LRFN2: variants seen among roughly 807,000 people sequenced by gnomAD.
LRFN2 encodes leucine-rich repeat and fibronectin type-III domain-containing protein 2.
In LRFN2, 18 loss-of-function variants were observed where a neutral mutation model predicts 37.3. That is an observed-to-expected ratio of 0.48 (90% confidence interval 0.33 to 0.72). The LOEUF (loss-of-function observed/expected upper bound fraction) is 0.72, where lower values mean the gene tolerates loss of function less well. LRFN2 is among the 30% of genes least tolerant of loss of function. The pLI, the probability that LRFN2 is intolerant of heterozygous loss-of-function variation, is 0.02. For synonymous variants in LRFN2, 556 were observed against 466.6 expected, an observed-to-expected ratio of 1.19 and a Z score of -2.47; for missense variants, 1,006 against 1,060.7, an observed-to-expected ratio of 0.95 and a Z score of 0.72.
chr6:40,447,176 C>T (rs1319682459), intron 1 of LRFN2, among the ~76,000 whole-genome samples: 3 of 152,214 alleles, frequency 2.0e-5, no homozygotes, highest in Non-Finnish European at 2.9e-5. Flanking sequence ...CCACACATTC[C>T]CTCATTATCC....
chr6:40,427,402 A>T (rs1219838429), intron 2 of LRFN2, among the ~76,000 whole-genome samples: 1 of 152,146 alleles, frequency 6.6e-6, no homozygotes, highest in Non-Finnish European at 1.5e-5. Flanking sequence ...TATGGTAGTG[A>T]CTCACAGCCA....
At chr6:40,577,209 C>G (rs906356022) in intron 1 of LRFN2, among the ~76,000 whole-genome samples, 2 of 152,078 alleles carry the variant, frequency 1.3e-5, no homozygotes, top group Non-Finnish European at 2.9e-5. Flanking sequence ...TCAAGCGATT[C>G]TCCTGCCTCA....
At chr6:40,520,347 G>A (rs967952636) in intron 1 of LRFN2, among the ~76,000 whole-genome samples, 3 of 152,088 alleles carry the variant, frequency 2.0e-5, no homozygotes, top group African/African-American at 7.2e-5. Context: ...GCAGGGAGGG[G>A]GAGCAAGCAT....
chr6:40,461,060 T>A (rs1764337547), intron 1 of LRFN2, among the ~76,000 whole-genome samples: 1 of 152,126 alleles, frequency 6.6e-6, no homozygotes, highest in Non-Finnish European at 1.5e-5. Context: ...AAGCATACAC[T>A]ATATACCAAG....
intron 1 of LRFN2, among the ~76,000 whole-genome samples, chr6:40,585,659 C>G (rs929452089): frequency 6.6e-6 from 1 of 152,142 alleles, no homozygotes; most frequent in Non-Finnish European, 1.5e-5. Flanking sequence ...CCACATAGAA[C>G]CTCTAGCCCT....
intron 1 of LRFN2, among the ~76,000 whole-genome samples, chr6:40,554,854 C>T (rs1766840206): frequency 6.6e-6 from 1 of 152,158 alleles, no homozygotes; most frequent in Non-Finnish European, 1.5e-5. Flanking sequence ...TAAAAGTCAC[C>T]TCTCAGTAAA....
intron 1 of LRFN2, among the ~76,000 whole-genome samples, chr6:40,563,567 T>C (rs1767038635): frequency 6.6e-6 from 1 of 152,138 alleles, no homozygotes; most frequent in South Asian, 2.1e-4. Context: ...GTGACTAAGC[T>C]GGGATTCAGC....
intron 2 of LRFN2, among the ~76,000 whole-genome samples, chr6:40,425,444 T>A (rs1025040516): frequency 6.6e-6 from 1 of 152,202 alleles, no homozygotes; most frequent in Non-Finnish European, 1.5e-5. Context: ...GGGCTGATAA[T>A]GACATGCAGG....
intron 1 of LRFN2, among the ~76,000 whole-genome samples, chr6:40,519,409 G>A (rs1765983965): frequency 6.6e-6 from 1 of 152,160 alleles, no homozygotes; most frequent in African/African-American, 2.4e-5. Context: ...AGTTCCTCCC[G>A]TGAGGGGCAG....
At chr6:40,406,267 G>A (rs1411865904) in intron 2 of LRFN2, among the ~76,000 whole-genome samples, 2 of 152,236 alleles carry the variant, frequency 1.3e-5, no homozygotes, top group African/African-American at 2.4e-5. Context: ...CCTAGTGAGT[G>A]CTTAATTTGT....
intron 1 of LRFN2, among the ~76,000 whole-genome samples, chr6:40,530,738 C>T (rs1387443512): frequency 6.6e-6 from 1 of 152,108 alleles, no homozygotes; most frequent in Non-Finnish European, 1.5e-5. Context: ...GCCCTCAGTT[C>T]TATGCTTCTA....
intron 1 of LRFN2, among the ~76,000 whole-genome samples, chr6:40,455,090 T>C (rs1343949494): frequency 6.6e-6 from 1 of 152,262 alleles, no homozygotes; most frequent in Admixed American, 6.5e-5. Flanking sequence ...GCTTTTATAA[T>C]AAGAAGAAAC....
chr6:40,456,651 G>C (rs532509785), intron 1 of LRFN2, among the ~76,000 whole-genome samples: 1 of 152,310 alleles, frequency 6.6e-6, no homozygotes, highest in East Asian at 1.9e-4. Flanking sequence ...TCCCTGAAGG[G>C]AATATTTAAT....
Position 40,484,232 on chromosome 6 carries a change from G to A in LRFN2, c.-18-51101C>T, listed in dbSNP as rs528289526. Among the ~76,000 whole-genome samples the A allele has an allele frequency of 5.3e-5, 8 of 152,318 alleles. No individual in the cohort carries two copies. In the East Asian group the frequency reaches 7.7e-4, roughly 15 times the overall value. The stretch of plus-strand genomic sequence containing the variant: ...GAAAGCAGACAGCGGGCCCTGACAC[G>A]GATGGAGTGTGGTGCCGATCCAGGA... On this transcript the variant is annotated intron_variant, in intron 1 of 2. Coordinates refer to ENST00000338305, the MANE Select transcript of LRFN2 (RefSeq NM_020737.3).
chr6:40,461,946 T>C (rs1561865393), intron 1 of LRFN2, among the ~76,000 whole-genome samples: 1 of 152,224 alleles, frequency 6.6e-6, no homozygotes, highest in Admixed American at 6.5e-5. Context: ...TTTGTAGTTA[T>C]GCAGGCTCAT....
chr6:40,528,908 C>A (rs560698982), intron 1 of LRFN2, among the ~76,000 whole-genome samples: 1 of 152,290 alleles, frequency 6.6e-6, no homozygotes, highest in East Asian at 1.9e-4. Flanking sequence ...CCACTGCTAG[C>A]CCCATTCCTG....
At chr6:40,556,737 AC>A (rs1766894911) in intron 1 of LRFN2, among the ~76,000 whole-genome samples, 1 of 147,380 alleles carries the variant, frequency 6.8e-6, no homozygotes, top group Non-Finnish European at 1.5e-5. Context: ...ACACACACAC[AC>A]ACACACACAC....
intron 2 of LRFN2, among the ~76,000 whole-genome samples, chr6:40,423,199 A>G (rs78583869): frequency 0.23 from 35,511 of 152,104 alleles, 5,445 homozygotes; most frequent in African/African-American, 0.44. Context: ...GTCTTTCAGA[A>G]CTCCCAATTG....
At chr6:40,433,479 G>T (rs908405185) in intron 1 of LRFN2, among the ~76,000 whole-genome samples, 3 of 152,170 alleles carry the variant, frequency 2.0e-5, no homozygotes, top group African/African-American at 7.2e-5. Flanking sequence ...GAACACAGTA[G>T]CTGCTCAATA....
Sources: allele counts gnomAD v4.1 joint callset (sites outside exome capture counted in the v4.1 genomes callset), GRCh38; gene constraint gnomAD v4.1.1; transcripts MANE v1.5; gene names NCBI Gene and HGNC (gene_info 2026-07-23, HGNC 2026-07-21).